Variants in GON4L observed in about 807,000 individuals in gnomAD.
GON4L encodes GON-4-like protein.
A neutral mutation model predicts 211.8 loss-of-function variants in GON4L; 87 were observed. That is an observed-to-expected ratio of 0.41 (90% confidence interval 0.35 to 0.49). The LOEUF is 0.49. Ranked by LOEUF, GON4L falls within the 20% of genes least tolerant of loss-of-function variation. GON4L has a pLI of 0.15. For missense variants in GON4L, 2,155 were observed against 2,659.5 expected, an observed-to-expected ratio of 0.81 and a Z score of 4.17; for synonymous variants, 875 against 962.6, an observed-to-expected ratio of 0.91 and a Z score of 1.68.
At chr1:155,748,340 G>A (rs1660337369), downstream of GON4L, 3 of 1,503,576 alleles carry the variant, frequency 2.0e-6, no homozygotes, top group South Asian at 1.1e-5. Context: ...TTAACATTCT[G>A]CCTCCACACA....
At chr1:155,763,632 C>A in intron 21 of GON4L, 68 bp from the exon 22 acceptor site, 1 of 1,321,638 alleles carries the variant, frequency 7.6e-7, no homozygotes, top group Non-Finnish European at 1.0e-6. Flanking sequence ...CAACACAAAG[C>A]TATATCAGGA....
rs1376080145 is a variant in GON4L, at chr1:155,782,654, T to C, written c.1892+1332A>G. Among the ~76,000 whole-genome samples the C allele has an allele frequency of 2.0e-5, 3 of 152,064 alleles. No homozygotes were observed. In the East Asian group the frequency reaches 5.8e-4, roughly 29 times the overall value. ...AGAGTTTTAAATTATTTCTATACTTTACAAATTTTATTTATTTTATTTTAT... is the reference window on the plus strand; with the variant it reads ...AGAGTTTTAAATTATTTCTATACTTCACAAATTTTATTTATTTTATTTTAT... On this transcript the variant is annotated intron_variant, in intron 14 of 31. Coordinates refer to ENST00000368331, the MANE Select transcript of GON4L (RefSeq NM_001282860.2).
intron 3 of GON4L, among the ~76,000 whole-genome samples, chr1:155,822,872 C>A (rs180840144): frequency 6.6e-6 from 1 of 152,118 alleles, no homozygotes; most frequent in Non-Finnish European, 1.5e-5. Flanking sequence ...CTCGGCTCAG[C>A]GCAACCTCCG....
chr1:155,767,147 T>C, intron 20 of GON4L: 2 of 744,338 alleles, frequency 2.7e-6, no homozygotes, highest in Non-Finnish European at 2.2e-6. Context: ...GAAGGGTCTC[T>C]CTGCATATCA....
chr1:155,852,361 G>A (rs923662425), intron 2 of GON4L, among the ~76,000 whole-genome samples: 1 of 152,040 alleles, frequency 6.6e-6, no homozygotes, highest in Non-Finnish European at 1.5e-5. Flanking sequence ...GTCCCAGGCA[G>A]TAGTCTCCCC....
chr1:155,754,513 G>A (rs1373591480), intron 27 of GON4L, 25 bp from the exon 28 acceptor site: 18 of 1,014,828 alleles, frequency 1.8e-5, no homozygotes, highest in Non-Finnish European at 2.1e-5. Context: ...GGCTTGATTA[G>A]CTGCCAAGTT....
chr1:155,757,098 C>T (rs1661267757), intron 26 of GON4L, 21 bp from the exon 27 acceptor site: 1 of 1,613,926 alleles, frequency 6.2e-7, no homozygotes, highest in East Asian at 2.2e-5. Flanking sequence ...GTTGGTGCTG[C>T]TGAGCACAGA....
chr1:155,785,243 T>G, intron 13 of GON4L, 91 bp downstream of exon 13: 2 of 851,466 alleles, frequency 2.3e-6, no homozygotes, highest in Non-Finnish European at 4.1e-6. Flanking sequence ...AGACCCCCTC[T>G]CCTAGAGGGA....
rs1303826426 is a variant in GON4L, at chr1:155,826,805, T to A, written c.697+32A>T. 6.5e-6 allele frequency: 9 copies of A among 1,388,924 alleles called. 1 individual carries two copies. The highest frequency in any genetic ancestry group is 9.2e-6 in the Non-Finnish European group (9 of 976,698). The allele number at this position is 1,388,924 out of a possible 1,614,324, so 86.0% of individuals were successfully genotyped here. A position where few individuals can be genotyped will look rare whatever the true frequency, so the allele number is the denominator to read the frequency against. ...ACATATTATACTTCAATAAAGAGGT[T>A]TCATTTAATTAAAAAGAAAAAGAAA... On this transcript the variant is annotated intron_variant, in intron 3 of 31. Transcript: ENST00000368331.
upstream of GON4L, among the ~76,000 whole-genome samples, chr1:155,858,990 C>T (rs1672485132): frequency 6.6e-6 from 1 of 151,972 alleles, no homozygotes. Context: ...CCACCGTGCC[C>T]GGCTGTTTTT....
chr1:155,792,263 CAT>C (rs1472891358), intron 12 of GON4L, among the ~76,000 whole-genome samples: 2 of 151,866 alleles, frequency 1.3e-5, no homozygotes, highest in African/African-American at 4.8e-5. Context: ...TTTAGTTATC[CAT>C]ATAAGGATAA....
chr1:155,791,790 C>A (rs1429861164), intron 12 of GON4L, among the ~76,000 whole-genome samples: 1 of 151,976 alleles, frequency 6.6e-6, no homozygotes, highest in African/African-American at 2.4e-5. Context: ...ATCGCTTGAA[C>A]CCAGGAGGCA....
At position 155,822,406 on chromosome 1, in the gene GON4L, T is replaced by G; in HGVS notation, c.768A>C (p.Gly256=). Reference sequence around the variant, plus strand: ...ATGCCAAGGTCCCTTCTTGACCCCTTCCATCTCGTTTCCTCTTGGTACCCT... The same window carrying G: ...ATGCCAAGGTCCCTTCTTGACCCCTGCCATCTCGTTTCCTCTTGGTACCCT... ...KKKGTKRKRD[G]RGQEGTLAYD... is the part of the protein sequence containing the mutation. Residue 256 remains glycine, a synonymous_variant, in exon 4 of 32, where the codon GGA becomes GGC. Transcript: ENST00000368331. 6.2e-7 allele frequency: 1 copy of G among 1,613,680 alleles called. No individual in the cohort carries two copies. Among genetic ancestry groups the G allele is most frequent in the South Asian group, 1.1e-5 (1 of 91,080 alleles).
At chr1:155,836,430 A>G (rs1670322271) in intron 2 of GON4L, among the ~76,000 whole-genome samples, 1 of 151,950 alleles carries the variant, frequency 6.6e-6, no homozygotes, top group Non-Finnish European at 1.5e-5. Context: ...TTGTATTTTT[A>G]GTAGAGACAG....
At chr1:155,768,733 C>T (rs1019266615) in intron 19 of GON4L, among the ~76,000 whole-genome samples, 7 of 152,154 alleles carry the variant, frequency 4.6e-5, no homozygotes, top group East Asian at 1.9e-4. Flanking sequence ...GCGTGAGCCA[C>T]GGCCCCATTT....
intron 27 of GON4L, chr1:155,756,706 C>G (rs1014894992): frequency 4.8e-6 from 2 of 412,704 alleles, no homozygotes; most frequent in African/African-American, 4.1e-5. Flanking sequence ...GGGTGGATCA[C>G]TTGAGGTAAG....
intron 12 of GON4L, among the ~76,000 whole-genome samples, chr1:155,792,684 A>G (rs932342634): frequency 3.3e-5 from 5 of 152,206 alleles, no homozygotes; most frequent in African/African-American, 1.2e-4. Flanking sequence ...ATGATAGCTG[A>G]ACTTAAGATC....
intron 10 of GON4L, among the ~76,000 whole-genome samples, chr1:155,808,326 A>T (rs1006760432): frequency 6.6e-6 from 1 of 152,180 alleles, no homozygotes; most frequent in African/African-American, 2.4e-5. Flanking sequence ...GGCATGAGCC[A>T]CCACACTGGG....
chr1:155,784,160 A>T, intron 13 of GON4L, 71 bp from the exon 14 acceptor site: 1 of 1,581,572 alleles, frequency 6.3e-7, no homozygotes, highest in Non-Finnish European at 8.7e-7. Context: ...ATTGGGAAGG[A>T]AGAGTGAAAA....
Sources: allele counts gnomAD v4.1 joint callset (sites outside exome capture counted in the v4.1 genomes callset), GRCh38; gene constraint gnomAD v4.1.1; transcripts MANE v1.5; gene names NCBI Gene and HGNC (gene_info 2026-07-23, HGNC 2026-07-21).